TBC1D30: variants seen among roughly 807,000 people sequenced by gnomAD.
TBC1D30 encodes the protein TBC1 domain family member 30, also known as TBC1 domain family, member 30.
TBC1D30 carries 31 observed loss-of-function variants against 63.2 expected under a neutral mutation model. That is an observed-to-expected ratio of 0.49 (90% CI 0.37 to 0.66). The LOEUF is 0.66. Ranked by LOEUF, TBC1D30 falls within the 30% of genes least tolerant of loss-of-function variation. The probability of loss-of-function intolerance (pLI) is 0.00; values close to 1 mark genes in which losing one functional copy is unlikely to be tolerated. For synonymous variants in TBC1D30, 307 were observed against 361.5 expected (o/e 0.85, Z 1.71); for missense variants, 810 against 953.6 (o/e 0.85, Z 1.98).
chr12:64,838,717 G>A lies in TBC1D30; in HGVS notation c.798G>A (p.Thr266=). 2.6e-6 allele frequency: 4 copies of A among 1,536,424 alleles called. No individual in the cohort carries two copies. The South Asian group carries it at 3.6e-5, about 14-fold the overall frequency. The change falls in exon 7 of 12, where the codon ACG becomes ACA. Residue 266 remains threonine (T), a synonymous_variant. Transcript: ENST00000539867. ...AGCCCCCACTTACAAATGTCTTCAC[G>A]ATGCAGTGGTTTCTGACTCTCTTTG... ...GYEPPLTNVF[T]MQWFLTLFAT... is the part of the protein sequence containing the mutation.
intron 2 of TBC1D30, among the ~76,000 whole-genome samples, chr12:64,790,707 G>A (rs1481918063): frequency 6.6e-6 from 1 of 152,136 alleles, no homozygotes. Flanking sequence ...TATGATAAAT[G>A]CCTAAAATGC....
chr12:64,761,631 G>A (rs1199139668), intron 1 of TBC1D30, among the ~76,000 whole-genome samples: 1 of 152,190 alleles, frequency 6.6e-6, no homozygotes, highest in Non-Finnish European at 1.5e-5. Context: ...GTTTACAAAC[G>A]CCATGGGAAT....
intron 5 of TBC1D30, among the ~76,000 whole-genome samples, chr12:64,835,712 C>A (rs1311137754): frequency 1.3e-5 from 2 of 152,056 alleles, no homozygotes; most frequent in African/African-American, 4.8e-5. Flanking sequence ...TTCCACTGTA[C>A]AAATGAGCCT....
chr12:64,785,780 G>C (rs950913768), intron 1 of TBC1D30: 4 of 920,800 alleles, frequency 4.3e-6, no homozygotes, highest in African/African-American at 3.5e-5. Flanking sequence ...AGAATTAGTT[G>C]GTTTAAATGG....
rs1013715765 is a variant in TBC1D30 at position 64,877,638 on chromosome 12, T to C, written c.*1850T>C. 1.3e-5 allele frequency: 2 copies of C among 152,188 alleles called. No homozygotes were observed. The highest frequency in any genetic ancestry group is 4.8e-5 in the African/African-American group (2 of 41,440). The allele number at this position is 152,188 out of a possible 1,614,324, so 9.4% of individuals were successfully genotyped here. ...GCAGCCACGCCTACAGCCTGTTTTTTGGGAAGGCTGTAGGTGGAGAGATGG... is the reference window on the plus strand; with the variant it reads ...GCAGCCACGCCTACAGCCTGTTTTTCGGGAAGGCTGTAGGTGGAGAGATGG... On this transcript the variant is annotated 3_prime_UTR_variant, in exon 12 of 12. Transcript: ENST00000539867.
At chr12:64,766,192 G>C (rs1282911901) in intron 1 of TBC1D30, among the ~76,000 whole-genome samples, 1 of 151,968 alleles carries the variant, frequency 6.6e-6, no homozygotes, top group Non-Finnish European at 1.5e-5. Context: ...AAATGAGCAG[G>C]GCCCTTGTGA....
At chr12:64,845,073 A>C in intron 8 of TBC1D30, among the ~76,000 whole-genome samples, 1 of 152,192 alleles carries the variant, frequency 6.6e-6, no homozygotes, top group Non-Finnish European at 1.5e-5. Flanking sequence ...GTGCTGCGAG[A>C]AACATGGGAG....
chr12:64,830,900 C>A (rs1165495564), intron 4 of TBC1D30, among the ~76,000 whole-genome samples: 3 of 152,154 alleles, frequency 2.0e-5, no homozygotes, highest in African/African-American at 7.2e-5. Flanking sequence ...TTCTTAACTG[C>A]CAATTTCTAA....
In TBC1D30 at chr12:64,825,876, G is replaced by A. The variant is rs556978083; in HGVS notation, c.154+843G>A. Among the ~76,000 whole-genome samples the A allele has an allele frequency of 2.6e-5, 4 of 152,268 alleles. No individual in the cohort carries two copies. In the East Asian group the frequency reaches 7.7e-4, roughly 29 times the overall value. Reference sequence around the variant, plus strand: ...CCGGCTGCGTTCCAGGCGGGTTCACGGTCCCCGGCCCCCGCCCCCCAGCGC... The same window carrying A: ...CCGGCTGCGTTCCAGGCGGGTTCACAGTCCCCGGCCCCCGCCCCCCAGCGC... On this transcript the variant is annotated intron_variant, in intron 1 of 11. Transcript: ENST00000539867.
chr12:64,804,012 G>A (rs1476809525), intron 2 of TBC1D30, among the ~76,000 whole-genome samples: 2 of 152,190 alleles, frequency 1.3e-5, no homozygotes, highest in Non-Finnish European at 2.9e-5. Context: ...GAACTTCAAA[G>A]TAGTTTTTTT....
At chr12:64,848,444 G>A (rs1312893251) in intron 8 of TBC1D30, among the ~76,000 whole-genome samples, 1 of 151,926 alleles carries the variant, frequency 6.6e-6, no homozygotes, top group Non-Finnish European at 1.5e-5. Context: ...CCCGCGACAG[G>A]CCCCGGTATG....
chr12:64,768,273 A>G (rs1354607104), intron 1 of TBC1D30: 1 of 152,244 alleles, frequency 6.6e-6, no homozygotes, highest in African/African-American at 2.4e-5. Context: ...TATAATATAA[A>G]TAATGAGACT....
intron 2 of TBC1D30, among the ~76,000 whole-genome samples, chr12:64,787,990 C>T (rs1173866129): frequency 6.6e-6 from 1 of 151,798 alleles, no homozygotes; most frequent in East Asian, 1.9e-4. Context: ...GCCAAGATTG[C>T]GCCACTGCAC....
At chr12:64,831,391 A>G (rs1050524578) in intron 4 of TBC1D30, among the ~76,000 whole-genome samples, 1 of 152,246 alleles carries the variant, frequency 6.6e-6, no homozygotes, top group Non-Finnish European at 1.5e-5. Flanking sequence ...GAAGTATCTC[A>G]TATTTGAAAT....
At chr12:64,767,601 C>T (rs1870757685) in intron 1 of TBC1D30, among the ~76,000 whole-genome samples, 1 of 151,996 alleles carries the variant, frequency 6.6e-6, no homozygotes, top group African/African-American at 2.4e-5. Context: ...TATGTTAACT[C>T]ATCTCTGTGT....
chr12:64,766,196 C>G (rs970169087), intron 1 of TBC1D30, among the ~76,000 whole-genome samples: 2 of 152,010 alleles, frequency 1.3e-5, no homozygotes, highest in Non-Finnish European at 2.9e-5. Flanking sequence ...GAGCAGGGCC[C>G]TTGTGACCTG....
At chr12:64,858,432 A>T (rs1265618775) in intron 8 of TBC1D30, among the ~76,000 whole-genome samples, 1 of 152,174 alleles carries the variant, frequency 6.6e-6, no homozygotes, top group Admixed American at 6.5e-5. Context: ...GGCCCATGGC[A>T]TACTCCCTGG....
intron 2 of TBC1D30, among the ~76,000 whole-genome samples, chr12:64,819,404 T>C (rs74813844): frequency 7.4e-6 from 1 of 134,744 alleles, no homozygotes; most frequent in Non-Finnish European, 1.6e-5. Context: ...TTGAAGGAAC[T>C]ACTTTTTTTT....
exon 1 of TBC1D30, chr12:64,780,783 A>T (rs1183594575): frequency 1.0e-6 from 1 of 988,884 alleles, no homozygotes; most frequent in East Asian, 1.1e-4. Context: ...GAGCAGCGGG[A>T]GCCGGGCAGC....
Sources: allele counts gnomAD v4.1 joint callset (sites outside exome capture counted in the v4.1 genomes callset), GRCh38; gene constraint gnomAD v4.1.1; transcripts MANE v1.5; gene names NCBI Gene and HGNC (gene_info 2026-07-23, HGNC 2026-07-21).